ADAMTS17: variants seen among roughly 807,000 people sequenced by gnomAD.
ADAMTS17 encodes ADAM metallopeptidase with thrombospondin type 1 motif 17.
In ADAMTS17, 113 loss-of-function variants were observed where a neutral mutation model predicts 141.5. The ratio of observed to expected loss-of-function variants is 0.80; its 90% confidence interval spans 0.69 to 0.93. The LOEUF (loss-of-function observed/expected upper bound fraction) is 0.93, where lower values mean the gene tolerates loss of function less well. Among genes scored for constraint, ADAMTS17 ranks in the 40% least tolerant of loss-of-function variants. The pLI is 0.00. For synonymous variants in ADAMTS17, 768 were observed against 630.6 expected (o/e 1.22, Z -3.27); for missense variants, 1,659 against 1,517.9 (o/e 1.09, Z -1.54).
intron 6 of ADAMTS17, among the ~76,000 whole-genome samples, chr15:100,259,081 T>C (rs1236971507): frequency 6.6e-6 from 1 of 152,224 alleles, no homozygotes; most frequent in Non-Finnish European, 1.5e-5. Context: ...AATTATTTCT[T>C]AGCAAAACAC....
rs1411734130 is a variant in ADAMTS17 at position 100,070,970 on chromosome 15, G to C, written c.2138-16916C>G. 2.0e-5 allele frequency among the ~76,000 whole-genome samples: 3 copies of C among 150,152 alleles called. 1 individual carries two copies. The highest frequency in any genetic ancestry group is 4.4e-5 in the Non-Finnish European group (3 of 67,520). ...AATCCAGGAGATGGATTTTTGAAAA[G>C]ATCAACAAAATTGACAGACCACTAG... On this transcript the variant is annotated intron_variant, in intron 15 of 21. Transcript: ENST00000268070.
At chr15:100,072,424 A>G (rs1182453503) in intron 15 of ADAMTS17, among the ~76,000 whole-genome samples, 1 of 149,878 alleles carries the variant, frequency 6.7e-6, no homozygotes, top group Non-Finnish European at 1.5e-5. Context: ...TTCCTATGGA[A>G]CCAAAAAAGA....
At chr15:99,984,211 G>C (rs1054778773) in intron 20 of ADAMTS17, among the ~76,000 whole-genome samples, 1 of 152,198 alleles carries the variant, frequency 6.6e-6, no homozygotes, top group Non-Finnish European at 1.5e-5. Context: ...ACCCCCGATG[G>C]CCTGCAGGGG....
At chr15:100,223,343 A>T (rs1369076745) in intron 7 of ADAMTS17, among the ~76,000 whole-genome samples, 1 of 152,150 alleles carries the variant, frequency 6.6e-6, no homozygotes, top group Admixed American at 6.5e-5. Context: ...CTTTTTTTTC[A>T]GTATTAGAAG....
chr15:100,229,024 T>A (rs930192117), intron 7 of ADAMTS17, among the ~76,000 whole-genome samples: 1 of 152,172 alleles, frequency 6.6e-6, no homozygotes, highest in African/African-American at 2.4e-5. Flanking sequence ...TCAGTGACAT[T>A]TGGGCCCCCT....
chr15:100,026,269 C>G (rs1272963229), intron 18 of ADAMTS17, among the ~76,000 whole-genome samples: 1 of 152,192 alleles, frequency 6.6e-6, no homozygotes, highest in African/African-American at 2.4e-5. Context: ...TATGACTAGA[C>G]CACAATCCAT....
intron 12 of ADAMTS17, among the ~76,000 whole-genome samples, chr15:100,125,134 C>T (rs1445530116): frequency 6.6e-6 from 1 of 152,186 alleles, no homozygotes; most frequent in Non-Finnish European, 1.5e-5. Context: ...TGGTCCCTGC[C>T]CTGGCGGCCC....
Position 100,051,672 on chromosome 15 carries a change from G to T in ADAMTS17, c.2355C>A (p.Asn785Lys). Residue 785 changes from asparagine to lysine, a missense_variant, in exon 17 of 22, where the codon AAC becomes AAA. By Grantham distance (94) the Asn-to-Lys change is moderately conservative. Transcript: ENST00000268070. ...GTTCGCTTTGATTTTCCGCAGTGCG[G>T]TTTACAGGAACAGTGTATTCATAAT... ...GIHYEYTVPVNRTAENQSEPE... is the reference protein window; with the variant it reads ...GIHYEYTVPVKRTAENQSEPE... 1 of 1,614,212 alleles carries T rather than the reference G, an allele frequency of 6.2e-7. No homozygotes were observed.
chr15:100,284,301 G>A (rs1038125821), intron 3 of ADAMTS17, among the ~76,000 whole-genome samples: 4 of 152,164 alleles, frequency 2.6e-5, no homozygotes, highest in South Asian at 2.1e-4. Flanking sequence ...GGGCAGGTGC[G>A]CTGTGGTTTT....
chr15:100,043,744 A>G (rs889082018), intron 18 of ADAMTS17, among the ~76,000 whole-genome samples: 1 of 152,260 alleles, frequency 6.6e-6, no homozygotes, highest in Non-Finnish European at 1.5e-5. Context: ...ACCTATACAG[A>G]TGAAGTTTGC....
At chr15:99,994,144 CA>C (rs1378816450) in intron 19 of ADAMTS17, among the ~76,000 whole-genome samples, 1 of 152,100 alleles carries the variant, frequency 6.6e-6, no homozygotes, top group Non-Finnish European at 1.5e-5. Flanking sequence ...CTCGGGAAGA[CA>C]AAACTCACAA....
At chr15:100,030,735 T>C (rs2030073385) in intron 18 of ADAMTS17, among the ~76,000 whole-genome samples, 1 of 152,176 alleles carries the variant, frequency 6.6e-6, no homozygotes, top group African/African-American at 2.4e-5. Flanking sequence ...ACGTATAAAT[T>C]ATATGATCTT....
chr15:100,036,166 T>C (rs1596276120), intron 18 of ADAMTS17, among the ~76,000 whole-genome samples: 1 of 152,028 alleles, frequency 6.6e-6, no homozygotes, highest in African/African-American at 2.4e-5. Flanking sequence ...CCATGGTGGG[T>C]GCATGACTTG....
chr15:100,216,166 T>C (rs1038166563), intron 7 of ADAMTS17, among the ~76,000 whole-genome samples: 6 of 152,208 alleles, frequency 3.9e-5, no homozygotes, highest in Admixed American at 3.3e-4. Flanking sequence ...GATGAACACC[T>C]ACCTCGTGGA....
At chr15:99,999,663 G>A (rs2060879778) in intron 18 of ADAMTS17, among the ~76,000 whole-genome samples, 1 of 152,160 alleles carries the variant, frequency 6.6e-6, no homozygotes, top group East Asian at 1.9e-4. Flanking sequence ...TGAGAGAGGA[G>A]TGACATGTTC....
intron 8 of ADAMTS17, among the ~76,000 whole-genome samples, chr15:100,158,691 C>T (rs1295150946): frequency 6.6e-6 from 1 of 152,162 alleles, no homozygotes; most frequent in Admixed American, 6.5e-5. Context: ...CAGTATTTTT[C>T]CTTCTGCAAC....
chr15:100,103,865 T>G (rs1435788087), intron 14 of ADAMTS17, among the ~76,000 whole-genome samples: 2 of 152,222 alleles, frequency 1.3e-5, no homozygotes, highest in African/African-American at 4.8e-5. Context: ...CATGAGCCAC[T>G]GCACCTGACC....
intron 18 of ADAMTS17, among the ~76,000 whole-genome samples, chr15:99,998,464 C>CGTG (rs2060850205): frequency 6.6e-6 from 1 of 152,054 alleles, no homozygotes; most frequent in Non-Finnish European, 1.5e-5. Context: ...ATTATCCAGG[C>CGTG]GTGGTGGTGC....
At chr15:99,983,953 G>A (rs568217730) in intron 20 of ADAMTS17, among the ~76,000 whole-genome samples, 2 of 152,240 alleles carry the variant, frequency 1.3e-5, no homozygotes, top group East Asian at 3.9e-4. Context: ...CATGAGCGAG[G>A]AAAACCTCGG....
Sources: gnomAD v4.1 joint callset for allele counts (sites outside exome capture counted in the v4.1 genomes callset) on GRCh38, gnomAD v4.1.1 for gene constraint, MANE v1.5 for transcripts, NCBI Gene and HGNC (gene_info 2026-07-23, HGNC 2026-07-21) for gene names.